The following PDSS2 variants were observed in gnomAD, a reference collection of about 807,000 sequenced individuals.
PDSS2 encodes decaprenyl diphosphate synthase subunit 2.
Under a neutral mutation model 44.5 loss-of-function variants are expected in PDSS2, and 31 were observed. That is an observed-to-expected ratio of 0.70 (90% CI 0.52 to 0.94). The LOEUF is 0.94. Among genes scored for constraint, PDSS2 ranks in the 40% least tolerant of loss-of-function variants. The pLI is 0.00. For missense variants in PDSS2, 452 were observed against 482.2 expected, an observed-to-expected ratio of 0.94 and a Z score of 0.59; for synonymous variants, 157 against 180.3, an observed-to-expected ratio of 0.87 and a Z score of 1.03.
At chr6:107,361,364 A>G (rs572830474) in intron 1 of PDSS2, among the ~76,000 whole-genome samples, 6 of 152,378 alleles carry the variant, frequency 3.9e-5, no homozygotes, top group Non-Finnish European at 5.9e-5. Context: ...TTAATTTAAC[A>G]AAGGATTATT....
chr6:107,180,921 C>T (rs7774237), intron 7 of PDSS2, among the ~76,000 whole-genome samples: 152,234 of 152,250 alleles, frequency 1, 76,109 homozygotes, highest in Non-Finnish European at 1. Context: ...GCGCAATAAC[C>T]GCAACCTCCA....
Position 107,212,165 on chromosome 6 carries a change from C to T in PDSS2, c.820G>A (p.Ala274Thr). ...QAAMELAKHD[A>T]EVQNMAFQYG... ...TGAAATGCCATATTCTGAACCTCAG[C>T]ATCATGCTTTGCTAATTCCATTGCA... is the stretch of plus-strand genomic sequence containing the variant. The change falls in exon 5 of 8, where the codon GCT becomes ACT. Residue 274 changes from alanine (A) to threonine (T), a missense_variant. Transcript: ENST00000369037. 1 of 1,614,138 alleles carries T rather than the reference C, an allele frequency of 6.2e-7. No individual in the cohort carries two copies. The highest frequency in any genetic ancestry group is 8.5e-7 in the Non-Finnish European group (1 of 1,179,978).
At chr6:107,193,691 C>T in intron 7 of PDSS2, 131 bp downstream of exon 7, 1 of 723,266 alleles carries the variant, frequency 1.4e-6, no homozygotes, top group Non-Finnish European at 2.5e-6. Context: ...ATGCTATTGG[C>T]CTGTTACTTA....
chr6:107,294,842 T>C (rs982368586), intron 2 of PDSS2, among the ~76,000 whole-genome samples: 10 of 152,194 alleles, frequency 6.6e-5, no homozygotes, highest in African/African-American at 2.2e-4. Flanking sequence ...ACAAACCTCA[T>C]TGCCTCCCTA....
chr6:107,422,827 A>G (rs904017816), intron 1 of PDSS2, among the ~76,000 whole-genome samples: 1 of 152,108 alleles, frequency 6.6e-6, no homozygotes, highest in Non-Finnish European at 1.5e-5. Flanking sequence ...GTCCGACAGG[A>G]GCATGTTTTA....
chr6:107,429,901 AATATAT>A lies in PDSS2; in HGVS notation c.296+29083_296+29088del, dbSNP rs869061691. Among the ~76,000 whole-genome samples the A allele has an allele frequency of 3.9e-3, 124 of 31,762 alleles. 3 individuals carry two copies. Among genetic ancestry groups the A allele is most frequent in the Admixed American group, 6.9e-3 (12 of 1,734 alleles). The allele number at this position is 31,762 out of a possible 152,430, so 20.8% of individuals were successfully genotyped here. ...CTTAGTCTCAAAAAAAAAAAAAAAA[AATATAT>A]ATATATATATATATATATATATATA... is the stretch of plus-strand genomic sequence containing the variant. On this transcript the variant is annotated intron_variant, in intron 1 of 7. Coordinates refer to ENST00000369037, the MANE Select transcript of PDSS2 (RefSeq NM_020381.4).
At chr6:107,384,758 A>G (rs1263207664) in intron 1 of PDSS2, among the ~76,000 whole-genome samples, 7 of 152,196 alleles carry the variant, frequency 4.6e-5, no homozygotes, top group Non-Finnish European at 1.0e-4. Flanking sequence ...ATATTAACAC[A>G]CACACACTCA....
intron 1 of PDSS2, among the ~76,000 whole-genome samples, chr6:107,456,429 T>G (rs1357876631): frequency 6.6e-6 from 1 of 152,144 alleles, no homozygotes; most frequent in African/African-American, 2.4e-5. Context: ...TGGATGAATC[T>G]CAGAAACCAT....
intron 3 of PDSS2, among the ~76,000 whole-genome samples, chr6:107,253,502 G>C (rs538023018): frequency 1.3e-5 from 2 of 152,300 alleles, no homozygotes; most frequent in Admixed American, 6.5e-5. Context: ...ATTGGTTTTT[G>C]ATCACTCAGA....
At chr6:107,309,956 C>T (rs1003638147) in intron 2 of PDSS2, among the ~76,000 whole-genome samples, 6 of 152,046 alleles carry the variant, frequency 3.9e-5, no homozygotes, top group African/African-American at 1.5e-4. Context: ...TTTATTTTCT[C>T]ACAGATCTGG....
intron 6 of PDSS2, among the ~76,000 whole-genome samples, chr6:107,207,277 C>CCA (rs1773013957): frequency 6.6e-6 from 1 of 152,114 alleles, no homozygotes; most frequent in African/African-American, 2.4e-5. Context: ...CAGGCATGAG[C>CCA]CACCACACCC....
At chr6:107,256,036 G>A (rs1775008060) in intron 3 of PDSS2, among the ~76,000 whole-genome samples, 1 of 152,030 alleles carries the variant, frequency 6.6e-6, no homozygotes. Flanking sequence ...TGTCGCCCAG[G>A]CTGGAGTGCA....
At chr6:107,450,906 C>T (rs1188215520) in intron 1 of PDSS2, among the ~76,000 whole-genome samples, 1 of 152,238 alleles carries the variant, frequency 6.6e-6, no homozygotes, top group Non-Finnish European at 1.5e-5. Context: ...TCATGGCTCA[C>T]TGCAGCCTCC....
At chr6:107,215,935 A>T (rs1156886603) in intron 4 of PDSS2, among the ~76,000 whole-genome samples, 1 of 152,028 alleles carries the variant, frequency 6.6e-6, no homozygotes, top group Non-Finnish European at 1.5e-5. Context: ...TTAGGAGTTA[A>T]AGACCAGCCT....
intron 1 of PDSS2, among the ~76,000 whole-genome samples, chr6:107,379,778 A>G (rs1438297360): frequency 6.6e-6 from 1 of 152,148 alleles, no homozygotes; most frequent in East Asian, 1.9e-4. Context: ...TTGTTTAGGT[A>G]TATATTTTCT....
chr6:107,325,562 A>G (rs1261991362), intron 2 of PDSS2, among the ~76,000 whole-genome samples: 4 of 152,186 alleles, frequency 2.6e-5, no homozygotes, highest in Non-Finnish European at 5.9e-5. Context: ...TAACAAAAAT[A>G]ATTTTTTTTA....
At position 107,459,351 on chromosome 6, in the gene PDSS2, G is replaced by T; in HGVS notation, c.-66C>A. On this transcript the variant is annotated 5_prime_UTR_variant, in exon 1 of 8. Transcript: ENST00000369037. This position sits in a 1 kb window ranked among gnomAD's most constrained non-coding sequence, Gnocchi z 4.3. ...AAGTGCCGCGGGAAACAAACCAGGG[G>T]CAGAGGAGGAACTTACAGTAACTAA... The T allele has an allele frequency of 1.5e-6, 2 of 1,358,008 alleles. No individual in the cohort carries two copies. Among genetic ancestry groups the T allele is most frequent in the Non-Finnish European group, 2.1e-6 (2 of 954,574 alleles). The allele number at this position is 1,358,008 out of a possible 1,614,324, so 84.1% of individuals were successfully genotyped here.
rs896875486 is a variant in PDSS2, at chr6:107,394,521, G to A, written c.297-60189C>T. Among the ~76,000 whole-genome samples, 8 of 152,104 alleles carry A rather than the reference G, an allele frequency of 5.3e-5. No individual in the cohort carries two copies. The Middle Eastern group carries it at 0.01, about 194-fold the overall frequency. On this transcript the variant is annotated intron_variant, in intron 1 of 7. Transcript: ENST00000369037. ...CCATGAGGACAGTACCGAGATCATC[G>A]TACTAAACCATTCAAGATAAACCAC...
At chr6:107,309,776 T>A (rs919053142) in intron 2 of PDSS2, among the ~76,000 whole-genome samples, 2 of 152,254 alleles carry the variant, frequency 1.3e-5, no homozygotes, top group African/African-American at 4.8e-5. Flanking sequence ...AGCTGTTACA[T>A]GGCACTACCC....
Sources: allele counts gnomAD v4.1 joint callset (sites outside exome capture counted in the v4.1 genomes callset), GRCh38; gene constraint gnomAD v4.1.1; non-coding constraint Gnocchi (gnomAD v3.1); transcripts MANE v1.5; gene names NCBI Gene and HGNC (gene_info 2026-07-23, HGNC 2026-07-21).